Variants in SEMA6D observed in about 807,000 individuals in gnomAD.
SEMA6D encodes semaphorin-6D.
A neutral mutation model predicts 106.6 loss-of-function variants in SEMA6D; 35 were observed. That is an observed-to-expected ratio of 0.33 (90% CI 0.25 to 0.44). The LOEUF is 0.44. SEMA6D is among the 20% of genes least tolerant of loss of function. SEMA6D has a pLI of 1.00. For synonymous variants in SEMA6D, 499 were observed against 487.7 expected, an observed-to-expected ratio of 1.02 and a Z score of -0.31; for missense variants, 1,185 against 1,345.9, an observed-to-expected ratio of 0.88 and a Z score of 1.87.
At chr15:47,446,816 CAT>C (rs1395198595) in intron 2 of SEMA6D, among the ~76,000 whole-genome samples, 1 of 152,114 alleles carries the variant, frequency 6.6e-6, no homozygotes, top group African/African-American at 2.4e-5. Context: ...ATGGGAATAT[CAT>C]ATGTCATGTC....
chr15:47,201,080 T>A (rs556072218), intron 1 of SEMA6D, among the ~76,000 whole-genome samples: 1 of 152,322 alleles, frequency 6.6e-6, no homozygotes, highest in East Asian at 1.9e-4. Context: ...ATTCATCGAT[T>A]TAGTAGAAAG....
At chr15:47,766,062 T>C (rs616871) in intron 14 of SEMA6D, 43 bp from the exon 15 acceptor site, 10 of 1,612,566 alleles carry the variant, frequency 6.2e-6, no homozygotes, top group Middle Eastern at 1.7e-4. Context: ...GAAACCTTTG[T>C]TGATGAGAAA....
rs962136121 is a variant in SEMA6D at position 47,228,071 on chromosome 15, T to C, written c.-239+43653T>C. On this transcript the variant is annotated intron_variant, in intron 1 of 19. Coordinates refer to the SEMA6D transcript ENST00000558014. ...ATATATATATTTTTATATATAAGAA[T>C]TCAAGAAATTGAATCCATACATCAT... Among the ~76,000 whole-genome samples, 28 of 143,606 alleles carry C rather than the reference T, an allele frequency of 1.9e-4. 1 individual carries two copies. Among genetic ancestry groups the C allele is most frequent in the Admixed American group, 1.8e-3 (25 of 14,182 alleles). The allele number at this position is 143,606 out of a possible 152,430, so 94.2% of individuals were successfully genotyped here.
chr15:47,190,064 T>A lies in SEMA6D; in HGVS notation c.-239+5646T>A, dbSNP rs746749725. ...GTGCAGCTCAATTCAAATTGGTGTTTGAGCTTTGATTCTCTTCACTTTTTC... is the reference window on the plus strand; with the variant it reads ...GTGCAGCTCAATTCAAATTGGTGTTAGAGCTTTGATTCTCTTCACTTTTTC... On this transcript the variant is annotated intron_variant, in intron 1 of 19. Transcript: ENST00000558014. Among the ~76,000 whole-genome samples, 45 of 152,238 alleles carry A rather than the reference T, an allele frequency of 3.0e-4. 1 individual carries two copies. The highest frequency in any genetic ancestry group is 8.5e-4 in the Admixed American group (13 of 15,286).
At chr15:47,695,793 A>G (rs1236639009) in intron 4 of SEMA6D, among the ~76,000 whole-genome samples, 2 of 152,190 alleles carry the variant, frequency 1.3e-5, no homozygotes, top group African/African-American at 4.8e-5. Context: ...GTTGATTTAT[A>G]TTGGATTTTA....
intron 4 of SEMA6D, among the ~76,000 whole-genome samples, chr15:47,651,696 A>G (rs889674830): frequency 6.6e-6 from 1 of 152,220 alleles, no homozygotes; most frequent in Non-Finnish European, 1.5e-5. Context: ...TACTCGATTC[A>G]TGTCCCACTC....
intron 1 of SEMA6D, among the ~76,000 whole-genome samples, chr15:47,213,168 G>T (rs148677744): frequency 7.0e-4 from 107 of 152,234 alleles, no homozygotes; most frequent in African/African-American, 2.5e-3. Context: ...CAGTTCCTCA[G>T]TTACATTTCT....
chr15:47,296,829 T>A (rs986865016), intron 1 of SEMA6D, among the ~76,000 whole-genome samples: 1 of 152,198 alleles, frequency 6.6e-6, no homozygotes, highest in African/African-American at 2.4e-5. Context: ...AACACCTGCA[T>A]CTCTTTAAAG....
intron 4 of SEMA6D, among the ~76,000 whole-genome samples, chr15:47,654,233 C>T (rs1050301680): frequency 5.9e-5 from 9 of 152,146 alleles, no homozygotes; most frequent in Admixed American, 5.2e-4. Context: ...ACAGTTGACC[C>T]TTGAACAATC....
chr15:47,697,792 C>G (rs911518629), intron 4 of SEMA6D, among the ~76,000 whole-genome samples: 8 of 152,240 alleles, frequency 5.3e-5, no homozygotes, highest in African/African-American at 1.9e-4. Context: ...TTCCCCCCGC[C>G]TTAGGCGAAG....
chr15:47,361,178 C>G (rs2038790150), intron 1 of SEMA6D, among the ~76,000 whole-genome samples: 1 of 152,200 alleles, frequency 6.6e-6, no homozygotes, highest in African/African-American at 2.4e-5. Context: ...CCACACTCAC[C>G]ACTCTGCATT....
At chr15:47,437,151 G>T (rs1241275042) in intron 2 of SEMA6D, among the ~76,000 whole-genome samples, 2 of 152,008 alleles carry the variant, frequency 1.3e-5, no homozygotes, top group African/African-American at 4.8e-5. Context: ...CCATGAAAAA[G>T]AAGTTTCCAA....
At chr15:47,403,815 AC>A (rs2040473665) in intron 1 of SEMA6D, among the ~76,000 whole-genome samples, 1 of 152,096 alleles carries the variant, frequency 6.6e-6, no homozygotes, top group Non-Finnish European at 1.5e-5. Context: ...TTTGGTGACT[AC>A]TGAGGTGCCC....
At chr15:47,762,502 G>A (rs1199751801) in intron 8 of SEMA6D, among the ~76,000 whole-genome samples, 183 bp downstream of exon 8, 1 of 152,012 alleles carries the variant, frequency 6.6e-6, no homozygotes, top group African/African-American at 2.4e-5. Flanking sequence ...AGCCATGTCA[G>A]AAGAGTAAGT....
chr15:47,674,101 C>G (rs2078194267), intron 4 of SEMA6D, among the ~76,000 whole-genome samples: 1 of 152,194 alleles, frequency 6.6e-6, no homozygotes, highest in Admixed American at 6.5e-5. Context: ...AAAACCAGCA[C>G]TGGCTCCTGG....
chr15:47,251,790 G>A (rs1285451912), intron 1 of SEMA6D, among the ~76,000 whole-genome samples: 1 of 150,314 alleles, frequency 6.7e-6, no homozygotes, highest in African/African-American at 2.5e-5. Flanking sequence ...GTTTAAATTT[G>A]CATTTCCCTG....
intron 4 of SEMA6D, among the ~76,000 whole-genome samples, chr15:47,662,654 T>C (rs1279628126): frequency 6.6e-6 from 1 of 152,176 alleles, no homozygotes; most frequent in Non-Finnish European, 1.5e-5. Flanking sequence ...AGTTTATTTC[T>C]TCTAAACTTA....
intron 3 of SEMA6D, among the ~76,000 whole-genome samples, chr15:47,585,662 G>A (rs2076325505): frequency 1.3e-5 from 2 of 152,074 alleles, no homozygotes; most frequent in Admixed American, 1.3e-4. Flanking sequence ...TAGGTGCGAG[G>A]CCAAACACAT....
chr15:47,259,265 C>A (rs964751164), intron 1 of SEMA6D, among the ~76,000 whole-genome samples: 1 of 152,130 alleles, frequency 6.6e-6, no homozygotes, highest in African/African-American at 2.4e-5. Flanking sequence ...TTCATTCTTC[C>A]TTCCCAATGC....
Sources: gnomAD v4.1 joint callset for allele counts (sites outside exome capture counted in the v4.1 genomes callset) on GRCh38, gnomAD v4.1.1 for gene constraint, MANE v1.5 for transcripts, NCBI Gene and HGNC (gene_info 2026-07-23, HGNC 2026-07-21) for gene names.